The following LIN7A variants were observed in gnomAD, a reference collection of about 807,000 sequenced individuals.
The protein encoded by LIN7A is protein lin-7 homolog A.
A neutral mutation model predicts 29.8 loss-of-function variants in LIN7A; 25 were observed. The observed-to-expected ratio is 0.84, with a 90% CI of 0.61 to 1.17. The LOEUF (loss-of-function observed/expected upper bound fraction) is 1.17. LIN7A is among the 50% of genes most tolerant of loss of function. LIN7A has a pLI of 0.00. For missense variants in LIN7A, 239 were observed against 287.0 expected (o/e 0.83, Z 1.21); for synonymous variants, 118 against 107.5 (o/e 1.10, Z -0.60).
chr12:80,896,172 G>A (rs1465642694), intron 1 of LIN7A, among the ~76,000 whole-genome samples: 1 of 152,198 alleles, frequency 6.6e-6, no homozygotes, highest in Non-Finnish European at 1.5e-5. Context: ...TGTCAGCCAT[G>A]TAAAGATCCA....
chr12:80,810,745 A>T (rs763536870), intron 5 of LIN7A, among the ~76,000 whole-genome samples: 1 of 152,196 alleles, frequency 6.6e-6, no homozygotes, highest in Non-Finnish European at 1.5e-5. Flanking sequence ...CATCCTCACT[A>T]GCACTTGTTA....
At chr12:80,931,643 A>C (rs11114657) in intron 1 of LIN7A, among the ~76,000 whole-genome samples, 2 of 79,114 alleles carry the variant, frequency 2.5e-5, no homozygotes, top group African/African-American at 1.6e-4. Flanking sequence ...GTCAAAAAGA[A>C]AAAAAAAAAA....
intron 5 of LIN7A, among the ~76,000 whole-genome samples, chr12:80,807,077 T>TTTTTTTTTTG (rs1555221364): frequency 1.7e-5 from 2 of 115,534 alleles, no homozygotes; most frequent in African/African-American, 3.2e-5. Flanking sequence ...TTTTTTTTTT[T>TTTTTTTTTTG]TTTTTTTTTT....
chr12:80,840,245 C>A (rs1261251591), intron 4 of LIN7A, among the ~76,000 whole-genome samples: 3 of 152,210 alleles, frequency 2.0e-5, no homozygotes, highest in Non-Finnish European at 2.9e-5. Context: ...ATATTAACAT[C>A]TTACAAAATC....
intron 2 of LIN7A, among the ~76,000 whole-genome samples, chr12:80,879,007 A>AT (rs1405320762): frequency 6.6e-6 from 1 of 152,156 alleles, no homozygotes; most frequent in Non-Finnish European, 1.5e-5. Context: ...CTGTAGTATT[A>AT]TTTTTATCAA....
chr12:80,831,252 G>T (rs761950913), intron 4 of LIN7A, among the ~76,000 whole-genome samples: 1 of 152,084 alleles, frequency 6.6e-6, no homozygotes, highest in Non-Finnish European at 1.5e-5. Flanking sequence ...TGTATATTTT[G>T]TCGATTTATT....
At chr12:80,916,797 G>A (rs1877049841) in intron 1 of LIN7A, among the ~76,000 whole-genome samples, 1 of 146,782 alleles carries the variant, frequency 6.8e-6, no homozygotes, top group Non-Finnish European at 1.5e-5. Flanking sequence ...AAGACAAGTA[G>A]ACATTTGCCA....
At chr12:80,935,746 C>T (rs987823262) in intron 1 of LIN7A, 1 of 487,424 alleles carries the variant, frequency 2.1e-6, no homozygotes. Context: ...TCAGACTCAT[C>T]CACAGGGTAA....
intron 1 of LIN7A, among the ~76,000 whole-genome samples, chr12:80,899,510 G>A (rs1876084552): frequency 6.6e-6 from 1 of 152,004 alleles, no homozygotes; most frequent in African/African-American, 2.4e-5. Flanking sequence ...AATGAGTTAG[G>A]GAGGAGTCCC....
intron 1 of LIN7A, among the ~76,000 whole-genome samples, chr12:80,896,589 G>T (rs958713174): frequency 1.3e-5 from 2 of 152,164 alleles, no homozygotes; most frequent in Non-Finnish European, 1.5e-5. Context: ...CCAACAACTT[G>T]CTGCGTTCCT....
intron 1 of LIN7A, among the ~76,000 whole-genome samples, chr12:80,924,360 C>T (rs998158416): frequency 6.6e-5 from 10 of 152,160 alleles, no homozygotes; most frequent in African/African-American, 2.4e-4. Flanking sequence ...GAAGCCCATG[C>T]AATCTTTCAT....
At chr12:80,882,354 G>T (rs12426005) in intron 2 of LIN7A, among the ~76,000 whole-genome samples, 6,359 of 122,324 alleles carry the variant, frequency 0.052, 308 homozygotes, top group Admixed American at 0.19. Flanking sequence ...GCGGGATCTC[G>T]GCTCACTGCA....
intron 2 of LIN7A, among the ~76,000 whole-genome samples, chr12:80,860,736 C>T (rs139431533): frequency 1.3e-5 from 2 of 152,324 alleles, no homozygotes; most frequent in East Asian, 3.9e-4. Context: ...GGCGTTCATG[C>T]CTGTTGCAGA....
intron 2 of LIN7A, among the ~76,000 whole-genome samples, chr12:80,864,150 C>T (rs1244899803): frequency 1.3e-5 from 2 of 152,010 alleles, no homozygotes; most frequent in Non-Finnish European, 2.9e-5. Flanking sequence ...GTAATACTTG[C>T]AGCAACTGTT....
intron 1 of LIN7A, among the ~76,000 whole-genome samples, chr12:80,912,906 C>A (rs1876838403): frequency 6.6e-6 from 1 of 152,122 alleles, no homozygotes. Flanking sequence ...ACATTAATTT[C>A]ATTCATATTA....
intron 1 of LIN7A, among the ~76,000 whole-genome samples, chr12:80,909,938 T>C (rs750407874): frequency 1.2e-4 from 19 of 152,056 alleles, no homozygotes; most frequent in Non-Finnish European, 2.1e-4. Context: ...ACTGTGAAAG[T>C]AGTTGCAGTT....
At chr12:80,853,161 G>T (rs1388392067) in intron 2 of LIN7A, among the ~76,000 whole-genome samples, 1 of 152,114 alleles carries the variant, frequency 6.6e-6, no homozygotes, top group African/African-American at 2.4e-5. Flanking sequence ...AGCCAAAAAA[G>T]TTCCTGATTG....
intron 4 of LIN7A, among the ~76,000 whole-genome samples, chr12:80,816,907 T>G: frequency 6.6e-6 from 1 of 152,212 alleles, no homozygotes; most frequent in Admixed American, 6.5e-5. Flanking sequence ...TAGCTGGGAC[T>G]ATAGGTGCCT....
At chr12:80,842,437 G>A (rs1432284668) in intron 4 of LIN7A, among the ~76,000 whole-genome samples, 1 of 152,048 alleles carries the variant, frequency 6.6e-6, no homozygotes, top group Non-Finnish European at 1.5e-5. Context: ...AAAGTTCAGA[G>A]AACTTATACT....
Sources: gnomAD v4.1 joint callset for allele counts (sites outside exome capture counted in the v4.1 genomes callset) on GRCh38, gnomAD v4.1.1 for gene constraint, MANE v1.5 for transcripts, NCBI Gene and HGNC (gene_info 2026-07-23, HGNC 2026-07-21) for gene names.